PCDHGB3: variants seen among roughly 807,000 people sequenced by gnomAD.
The protein encoded by PCDHGB3 is protocadherin gamma subfamily B, 3.
A neutral mutation model predicts 59.2 loss-of-function variants in PCDHGB3; 40 were observed. The ratio of observed to expected loss-of-function variants is 0.68; its 90% CI spans 0.52 to 0.88. The LOEUF (loss-of-function observed/expected upper bound fraction) is 0.88, where lower values mean the gene tolerates loss of function less well. Ranked by LOEUF, PCDHGB3 falls within the 40% of genes least tolerant of loss-of-function variation. The pLI is 0.00. For missense variants in PCDHGB3, 1,309 were observed against 1,187.9 expected (o/e 1.10, Z -1.50); for synonymous variants, 581 against 503.6 (o/e 1.15, Z -2.06).
intron 1 of PCDHGB3, chr5:141,422,813 TAGAACTG>T: frequency 6.2e-7 from 1 of 1,614,192 alleles, no homozygotes; most frequent in Non-Finnish European, 8.5e-7. Flanking sequence ...TTTCGAGACT[TAGAACTG>T]AGAGTGATAG....
At chr5:141,418,946 G>A in intron 1 of PCDHGB3, 3 of 1,614,018 alleles carry the variant, frequency 1.9e-6, no homozygotes, top group South Asian at 1.1e-5. Flanking sequence ...TTCCCCTCCA[G>A]GAGTGGTTGT....
chr5:141,485,172 CA>C lies in PCDHGB3; in HGVS notation c.2416-9633del. 6.2e-7 allele frequency: 1 copy of C among 1,610,166 alleles called. No individual in the cohort carries two copies. Among genetic ancestry groups the C allele is most frequent in the Non-Finnish European group, 8.5e-7 (1 of 1,176,940 alleles). On this transcript the variant is annotated intron_variant, in intron 1 of 3. Coordinates refer to ENST00000576222, the MANE Select transcript of PCDHGB3 (RefSeq NM_018924.5). The surrounding 1 kb of genome is among the most constrained non-coding windows in gnomAD (Gnocchi z 5.7). ...CAAGTAGAGAATTAGCGGGCGGCAG[CA>C]ATGCTCCGCAAGGTGAGAAGCTGGA...
chr5:141,443,699 A>G (rs1433844997), intron 1 of PCDHGB3, among the ~76,000 whole-genome samples: 1 of 152,248 alleles, frequency 6.6e-6, no homozygotes, highest in African/African-American at 2.4e-5. Flanking sequence ...AAAATTATAG[A>G]ATAACATTTG....
chr5:141,441,737 C>T lies in PCDHGB3; in HGVS notation c.2416-53070C>T, dbSNP rs2098268916. 5 of 365,122 alleles carry T rather than the reference C, an allele frequency of 1.4e-5. 1 individual carries two copies. The highest frequency in any genetic ancestry group is 1.1e-4 in the South Asian group (5 of 46,286). 22.6% of individuals were successfully genotyped at this position (365,122 alleles called of 1,614,324 possible). ...TGCAGGCCCGCGACCAGGACTAGCT[C>T]GCGCTCGGCGTCAACGTGAGCCTGC... On this transcript the variant is annotated intron_variant, in intron 1 of 3. Transcript: ENST00000576222.
chr5:141,472,060 T>C (rs185246000), intron 1 of PCDHGB3, among the ~76,000 whole-genome samples: 5 of 152,276 alleles, frequency 3.3e-5, no homozygotes, highest in Non-Finnish European at 1.5e-5. Context: ...ATGATTGACA[T>C]GTCTGTGGTT....
At chr5:141,495,274 G>A (rs1396412578) in intron 2 of PCDHGB3, among the ~76,000 whole-genome samples, 1 of 152,190 alleles carries the variant, frequency 6.6e-6, no homozygotes, top group Non-Finnish European at 1.5e-5. Context: ...TTGACCGGAG[G>A]AGGCGGTCCG....
intron 1 of PCDHGB3, among the ~76,000 whole-genome samples, chr5:141,455,860 A>T (rs1032468147): frequency 1.4e-5 from 2 of 139,848 alleles, no homozygotes; most frequent in South Asian, 2.3e-4. Context: ...AATTTCTTTT[A>T]TTATTTATTT....
chr5:141,394,622 G>A (rs1472873845), intron 1 of PCDHGB3: 32 of 1,613,496 alleles, frequency 2.0e-5, no homozygotes, highest in Non-Finnish European at 2.6e-5. Flanking sequence ...AGAACGCCTG[G>A]CTGTCCTACC....
intron 1 of PCDHGB3, chr5:141,398,612 T>C (rs756084003): frequency 2.5e-6 from 4 of 1,614,024 alleles, no homozygotes; most frequent in East Asian, 2.2e-5. Flanking sequence ...GATGCAGATA[T>C]TGGCTTAAAC....
Position 141,451,083 on chromosome 5 carries a change from C to T in PCDHGB3, c.2416-43724C>T, listed in dbSNP as rs192869194. On this transcript the variant is annotated intron_variant, in intron 1 of 3. Coordinates refer to ENST00000576222, the MANE Select transcript of PCDHGB3 (RefSeq NM_018924.5). The stretch of plus-strand genomic sequence containing the variant: ...GACCTTGTGATCCACCCACCTTGAC[C>T]TCCCAAAGTGTTGGGATTACAGGCG... 4.9e-4 allele frequency among the ~76,000 whole-genome samples: 75 copies of T among 152,174 alleles called. 3 individuals carry two copies. In the East Asian group the frequency reaches 0.014, roughly 29 times the overall value.
At chr5:141,419,051 T>A (rs1007349455) in intron 1 of PCDHGB3, 6 of 1,613,950 alleles carry the variant, frequency 3.7e-6, no homozygotes, top group East Asian at 2.2e-5. Context: ...TCATTCTTCT[T>A]CTAATAATTA....
rs1324941616 is a variant in PCDHGB3, at chr5:141,372,783, C to G, written c.2389C>G (p.Pro797Ala). The G allele has an allele frequency of 1.9e-6, 3 of 1,606,014 alleles. No individual in the cohort carries two copies. The highest frequency in any genetic ancestry group is 2.2e-5 in the South Asian group (2 of 89,640). Residue 797 changes from proline (P) to alanine (A), a missense_variant, in exon 1 of 4, where the codon CCT becomes GCT. Coordinates refer to ENST00000576222, the MANE Select transcript of PCDHGB3 (RefSeq NM_018924.5). ...TGAAAGTAATGACAATCCAGAAATG[C>G]CTTCTAATTCAGGCAATTTGCAAAA... ...WFESNDNPEMPSNSGNLQKQA... is the reference protein window; with the variant it reads ...WFESNDNPEMASNSGNLQKQA...
chr5:141,374,352 T>C lies in PCDHGB3; in HGVS notation c.2415+1543T>C, dbSNP rs1288920388. The C allele has an allele frequency of 4.3e-6, 7 of 1,614,010 alleles. No homozygotes were observed. The Admixed American group carries it at 5.0e-5, about 12-fold the overall frequency. On this transcript the variant is annotated intron_variant, in intron 1 of 3. Transcript: ENST00000576222. ...GGCAGCTTGGTCACCGCGGGTAGGA[T>C]AGACCGCGAGGAGCTCTGTGCTCAG...
At chr5:141,450,831 T>TATA (rs761717068) in intron 1 of PCDHGB3, among the ~76,000 whole-genome samples, 3 of 144,648 alleles carry the variant, frequency 2.1e-5, no homozygotes, top group Non-Finnish European at 4.5e-5. Flanking sequence ...TTATTATTAT[T>TATA]TTTTTTTTTT....
intron 2 of PCDHGB3, among the ~76,000 whole-genome samples, chr5:141,498,747 C>T (rs1363145286): frequency 6.6e-6 from 1 of 152,106 alleles, no homozygotes; most frequent in Non-Finnish European, 1.5e-5. Context: ...GCCTGGCCAA[C>T]ATGATGAAAC....
At chr5:141,498,971 G>GGGAGGGAAGGAAGGAAGGAAGGAA (rs2099787588) in intron 2 of PCDHGB3, among the ~76,000 whole-genome samples, 6 of 110,972 alleles carry the variant, frequency 5.4e-5, no homozygotes, top group Admixed American at 5.3e-4. Flanking sequence ...GAGGGAGGGA[G>GGGAGGGAAGGAAGGAAGGAAGGAA]GGAAGGAAGG....
chr5:141,496,377 G>A (rs1413938730), intron 2 of PCDHGB3, among the ~76,000 whole-genome samples: 1 of 152,114 alleles, frequency 6.6e-6, no homozygotes, highest in Non-Finnish European at 1.5e-5. Flanking sequence ...CAGGAGCTTG[G>A]GCCACCTTAC....
At chr5:141,481,879 A>G (rs1204365605) in intron 1 of PCDHGB3, among the ~76,000 whole-genome samples, 1 of 144,890 alleles carries the variant, frequency 6.9e-6, no homozygotes, top group Non-Finnish European at 1.5e-5. Context: ...GCGCCACTGC[A>G]CTCCAGCCTG....
intron 1 of PCDHGB3, chr5:141,375,169 A>G: frequency 6.2e-7 from 1 of 1,614,010 alleles, no homozygotes; most frequent in South Asian, 1.1e-5. Flanking sequence ...GTGCACCTCC[A>G]GGAACAGTAA....
Sources: allele counts gnomAD v4.1 joint callset (sites outside exome capture counted in the v4.1 genomes callset), GRCh38; gene constraint gnomAD v4.1.1; non-coding constraint Gnocchi (gnomAD v3.1); transcripts MANE v1.5; gene names NCBI Gene and HGNC (gene_info 2026-07-23, HGNC 2026-07-21).